The following TSGA10 variants were observed in gnomAD, a reference collection of about 807,000 sequenced individuals.
TSGA10 encodes testis-specific gene 10 protein.
A neutral mutation model predicts 96.6 loss-of-function variants in TSGA10; 43 were observed. That is an observed-to-expected ratio of 0.44 (90% confidence interval 0.35 to 0.57). The LOEUF (loss-of-function observed/expected upper bound fraction) is 0.57. Among genes scored for constraint, TSGA10 ranks in the 20% least tolerant of loss-of-function variants. TSGA10 has a pLI of 0.01. For synonymous variants in TSGA10, 229 were observed against 269.9 expected (o/e 0.85, Z 1.48); for missense variants, 703 against 834.4 (o/e 0.84, Z 1.94).
chr2:99,116,625 T>A (rs188937250), intron 4 of TSGA10, among the ~76,000 whole-genome samples: 1 of 151,898 alleles, frequency 6.6e-6, no homozygotes, highest in Non-Finnish European at 1.5e-5. Context: ...TTAGAAAGTA[T>A]ATCTGTAGTT....
chr2:99,052,091 T>C (rs539045520), intron 16 of TSGA10, among the ~76,000 whole-genome samples: 1 of 150,822 alleles, frequency 6.6e-6, no homozygotes, highest in South Asian at 2.1e-4. Flanking sequence ...AAACAAAATC[T>C]AAAGCAAGCA....
chr2:99,109,036 C>A (rs1171414976), intron 6 of TSGA10, 45 bp from the exon 7 acceptor site: 2 of 1,404,026 alleles, frequency 1.4e-6, no homozygotes, highest in Admixed American at 5.1e-5. Context: ...ATATATAGTA[C>A]TGATAGAAAG....
chr2:99,006,024 C>G lies in TSGA10; in HGVS notation c.2073-7803G>C, dbSNP rs914056562. The stretch of plus-strand genomic sequence containing the variant: ...ACCATCTGATCTTTGACAAACCTGA[C>G]AAAAACAAGAAATGGGGAAAGGATT... On this transcript the variant is annotated intron_variant, in intron 20 of 20. Coordinates refer to ENST00000393483, the MANE Select transcript of TSGA10 (RefSeq NM_025244.4). 1.4e-4 allele frequency among the ~76,000 whole-genome samples: 22 copies of G among 151,830 alleles called. No homozygotes were observed. In the South Asian group the frequency reaches 1.5e-3, roughly 10 times the overall value.
At chr2:99,092,952 C>A (rs11900670) in intron 10 of TSGA10, among the ~76,000 whole-genome samples, 89,846 of 151,900 alleles carry the variant, frequency 0.59, 27,498 homozygotes, top group East Asian at 0.88. Context: ...CATAACAAAA[C>A]ATGAAACTAT....
chr2:99,030,572 G>A (rs938664485), intron 17 of TSGA10, among the ~76,000 whole-genome samples: 3 of 151,912 alleles, frequency 2.0e-5, no homozygotes, highest in African/African-American at 7.3e-5. Flanking sequence ...AATTACTTGA[G>A]CCCAGGGGTT....
chr2:99,029,065 C>A (rs1047025694), intron 17 of TSGA10, among the ~76,000 whole-genome samples: 11 of 152,050 alleles, frequency 7.2e-5, no homozygotes, highest in African/African-American at 2.4e-4. Flanking sequence ...AAAGAAAAGG[C>A]CAGAAGGAAA....
intron 16 of TSGA10, among the ~76,000 whole-genome samples, chr2:99,039,506 T>C (rs2081995515): frequency 1.3e-5 from 2 of 151,978 alleles, no homozygotes; most frequent in Non-Finnish European, 2.9e-5. Context: ...ACTATGAACA[T>C]TGTTACATGC....
chr2:99,143,899 T>A (rs563646525), intron 1 of TSGA10, among the ~76,000 whole-genome samples: 4 of 152,328 alleles, frequency 2.6e-5, no homozygotes, highest in Admixed American at 2.6e-4. Context: ...CTGTTATTAC[T>A]ATTTTTTGTT....
At chr2:99,005,815 A>G (rs1176449237) in intron 20 of TSGA10, among the ~76,000 whole-genome samples, 1 of 152,240 alleles carries the variant, frequency 6.6e-6, no homozygotes, top group Non-Finnish European at 1.5e-5. Context: ...ATGGAACCAA[A>G]AAAGAGCCCG....
intron 10 of TSGA10, among the ~76,000 whole-genome samples, chr2:99,101,245 A>C (rs1371418195): frequency 1.6e-5 from 1 of 63,182 alleles, no homozygotes; most frequent in African/African-American, 4.9e-5. Flanking sequence ...ACTCTGTCTC[A>C]AAAAAAAAAA....
intron 1 of TSGA10, among the ~76,000 whole-genome samples, chr2:99,146,563 A>C (rs1011991971): frequency 3.3e-5 from 5 of 152,144 alleles, no homozygotes; most frequent in Non-Finnish European, 4.4e-5. Context: ...CCAAGGTAAC[A>C]GATATTTTCT....
intron 10 of TSGA10, among the ~76,000 whole-genome samples, chr2:99,085,229 A>G (rs1274974644): frequency 6.6e-6 from 1 of 152,058 alleles, no homozygotes; most frequent in Non-Finnish European, 1.5e-5. Flanking sequence ...CCTGGGTGAC[A>G]GAGTAAGACT....
chr2:99,057,455 C>T (rs368749509), intron 16 of TSGA10, among the ~76,000 whole-genome samples: 2 of 151,918 alleles, frequency 1.3e-5, no homozygotes, highest in East Asian at 1.9e-4. Flanking sequence ...TATACACTTG[C>T]GATGGAGAAT....
intron 20 of TSGA10, among the ~76,000 whole-genome samples, chr2:99,008,654 C>T (rs1291094730): frequency 6.6e-6 from 1 of 152,130 alleles, no homozygotes; most frequent in Admixed American, 6.5e-5. Context: ...TACCCATTGA[C>T]CCAGCAATCC....
At chr2:99,109,689 T>C (rs1348955220) in intron 5 of TSGA10, 177 bp from the exon 6 acceptor site, 1 of 357,606 alleles carries the variant, frequency 2.8e-6, no homozygotes, top group Non-Finnish European at 4.6e-6. Flanking sequence ...ATTTAAAAAA[T>C]TATATATCAG....
intron 1 of TSGA10, chr2:99,142,402 G>C (rs1168182941): frequency 6.6e-6 from 1 of 152,148 alleles, no homozygotes; most frequent in Non-Finnish European, 1.5e-5. Flanking sequence ...TTTTCGCCAG[G>C]TGAGTACTCA....
chr2:99,019,505 A>C (rs2079824894), intron 18 of TSGA10, among the ~76,000 whole-genome samples: 1 of 152,212 alleles, frequency 6.6e-6, no homozygotes, highest in African/African-American at 2.4e-5. Flanking sequence ...TTTCTGAAGG[A>C]AACTGGCCCT....
At chr2:99,130,003 A>G (rs1247673448) in intron 1 of TSGA10, among the ~76,000 whole-genome samples, 7 of 152,190 alleles carry the variant, frequency 4.6e-5, no homozygotes, top group Non-Finnish European at 5.9e-5. Context: ...TCCATGGTGT[A>G]TATGTGCCAC....
At chr2:99,115,658 T>A (rs1284894598) in intron 4 of TSGA10, among the ~76,000 whole-genome samples, 3 of 152,046 alleles carry the variant, frequency 2.0e-5, no homozygotes, top group Non-Finnish European at 4.4e-5. Flanking sequence ...GGTGGGCGGA[T>A]CACTTCAGGT....
Sources: gnomAD v4.1 joint callset for allele counts (sites outside exome capture counted in the v4.1 genomes callset) on GRCh38, gnomAD v4.1.1 for gene constraint, MANE v1.5 for transcripts, NCBI Gene and HGNC (gene_info 2026-07-23, HGNC 2026-07-21) for gene names.